The following LUZP2 variants were observed in gnomAD, a reference collection of about 807,000 sequenced individuals.
LUZP2 encodes leucine zipper protein 2.
Under a neutral mutation model 51.6 loss-of-function variants are expected in LUZP2, and 52 were observed. That is an observed-to-expected ratio of 1.01 (90% CI 0.81 to 1.27). The LOEUF (loss-of-function observed/expected upper bound fraction) is 1.27. Ranked by LOEUF, LUZP2 falls within the 50% of genes most tolerant of loss-of-function variation. LUZP2 has a pLI of 0.00. For synonymous variants in LUZP2, 154 were observed against 137.3 expected, an observed-to-expected ratio of 1.12 and a Z score of -0.85; for missense variants, 436 against 395.4, an observed-to-expected ratio of 1.10 and a Z score of -0.87.
chr11:24,569,866 AT>A (rs1852375736), intron 1 of LUZP2, among the ~76,000 whole-genome samples: 2 of 136,590 alleles, frequency 1.5e-5, no homozygotes, highest in Non-Finnish European at 3.2e-5. Flanking sequence ...AAAATTTAAA[AT>A]ATTTATAAGT....
intron 5 of LUZP2, among the ~76,000 whole-genome samples, chr11:24,893,918 G>T (rs1852938222): frequency 1.3e-5 from 2 of 152,010 alleles, no homozygotes; most frequent in Middle Eastern, 3.2e-3. Flanking sequence ...TTATAAACCT[G>T]CTTTACAATT....
intron 9 of LUZP2, among the ~76,000 whole-genome samples, chr11:25,019,120 A>G (rs956233083): frequency 1.3e-5 from 2 of 152,132 alleles, no homozygotes; most frequent in East Asian, 3.9e-4. Flanking sequence ...TATATTTTAC[A>G]TTAGCGTTTG....
chr11:24,648,143 C>A (rs1855517892), intron 1 of LUZP2, among the ~76,000 whole-genome samples: 1 of 151,900 alleles, frequency 6.6e-6, no homozygotes, highest in Admixed American at 6.6e-5. Context: ...TGCATATTAT[C>A]TTTATTTCGA....
At chr11:24,807,649 G>A (rs890025817) in intron 5 of LUZP2, among the ~76,000 whole-genome samples, 9 of 152,084 alleles carry the variant, frequency 5.9e-5, no homozygotes, top group Non-Finnish European at 1.3e-4. Context: ...AATTGGGGGT[G>A]TGTGGAGAGA....
At chr11:24,771,796 A>G (rs1346141079) in intron 5 of LUZP2, among the ~76,000 whole-genome samples, 1 of 152,072 alleles carries the variant, frequency 6.6e-6, no homozygotes, top group Non-Finnish European at 1.5e-5. Context: ...AATAAGTCTC[A>G]TGAGATCTGA....
chr11:24,884,574 C>G (rs1229316062), intron 5 of LUZP2, among the ~76,000 whole-genome samples: 1 of 152,022 alleles, frequency 6.6e-6, no homozygotes. Context: ...TCTTATATGG[C>G]TGGCCTCAAT....
chr11:24,564,047 T>A (rs1458561157), intron 1 of LUZP2, among the ~76,000 whole-genome samples: 1 of 152,156 alleles, frequency 6.6e-6, no homozygotes, highest in Admixed American at 6.6e-5. Flanking sequence ...AGTTTACTTG[T>A]GTCTTAGTTC....
At chr11:24,760,337 A>G (rs1016178629) in intron 4 of LUZP2, among the ~76,000 whole-genome samples, 1 of 151,990 alleles carries the variant, frequency 6.6e-6, no homozygotes, top group Non-Finnish European at 1.5e-5. Flanking sequence ...TTAACTTTGG[A>G]ATGTCGTTGG....
chr11:24,521,675 A>G (rs1326177017), intron 1 of LUZP2, among the ~76,000 whole-genome samples: 2 of 152,190 alleles, frequency 1.3e-5, no homozygotes, highest in Non-Finnish European at 2.9e-5. Flanking sequence ...ATTTAGGATT[A>G]GAAGTTCAAT....
chr11:24,917,863 T>A (rs1282256398), intron 7 of LUZP2, among the ~76,000 whole-genome samples: 2 of 152,204 alleles, frequency 1.3e-5, no homozygotes, highest in Non-Finnish European at 2.9e-5. Context: ...TTTTTCCAAT[T>A]CTGTGAAGAA....
intron 5 of LUZP2, among the ~76,000 whole-genome samples, chr11:24,879,053 G>A (rs573225566): frequency 2.4e-4 from 37 of 151,976 alleles, no homozygotes; most frequent in South Asian, 2.1e-3. Context: ...TGCAAGCTCC[G>A]GCTCCTGGGT....
chr11:24,816,248 A>G (rs1031207433), intron 5 of LUZP2, among the ~76,000 whole-genome samples: 7 of 152,026 alleles, frequency 4.6e-5, no homozygotes, highest in Non-Finnish European at 7.4e-5. Context: ...TTTCCTCTGT[A>G]ATATGGCGAC....
intron 2 of LUZP2, among the ~76,000 whole-genome samples, chr11:24,730,258 C>T (rs990829249): frequency 1.3e-5 from 2 of 151,622 alleles, no homozygotes; most frequent in African/African-American, 4.8e-5. Context: ...GACTGTTAGT[C>T]ACATTTCATA....
chr11:24,520,898 G>A (rs1319631395), intron 1 of LUZP2, among the ~76,000 whole-genome samples: 1 of 152,224 alleles, frequency 6.6e-6, no homozygotes, highest in Non-Finnish European at 1.5e-5. Flanking sequence ...TTCCAGGGTT[G>A]CAGACAAGTC....
chr11:24,591,517 G>T (rs1427180114), intron 1 of LUZP2, among the ~76,000 whole-genome samples: 2 of 152,184 alleles, frequency 1.3e-5, no homozygotes, highest in Non-Finnish European at 2.9e-5. Context: ...ATACAAATAT[G>T]TTGTGGTAGC....
chr11:24,635,671 A>T (rs965692447), intron 1 of LUZP2, among the ~76,000 whole-genome samples: 1 of 152,184 alleles, frequency 6.6e-6, no homozygotes, highest in African/African-American at 2.4e-5. Flanking sequence ...AAACAAAGTT[A>T]TACATTTTAA....
At chr11:24,852,850 C>A (rs1851438531) in intron 5 of LUZP2, among the ~76,000 whole-genome samples, 1 of 152,004 alleles carries the variant, frequency 6.6e-6, no homozygotes, top group Non-Finnish European at 1.5e-5. Context: ...CTTTTTTGGT[C>A]TTTATTGGTT....
At chr11:24,755,492 A>G (rs1859740369) in intron 4 of LUZP2, among the ~76,000 whole-genome samples, 1 of 152,178 alleles carries the variant, frequency 6.6e-6, no homozygotes, top group Non-Finnish European at 1.5e-5. Context: ...ATTCTATTTT[A>G]GCTATTATAG....
chr11:24,732,477 A>G (rs984529291), intron 3 of LUZP2, among the ~76,000 whole-genome samples: 3 of 151,626 alleles, frequency 2.0e-5, no homozygotes, highest in Non-Finnish European at 4.4e-5. Flanking sequence ...TTCCTCAGTT[A>G]GTAAGATGGA....
Sources: allele counts gnomAD v4.1 joint callset (sites outside exome capture counted in the v4.1 genomes callset), GRCh38; gene constraint gnomAD v4.1.1; transcripts MANE v1.5; gene names NCBI Gene and HGNC (gene_info 2026-07-23, HGNC 2026-07-21).